The following LY6S variants were observed in gnomAD, a reference collection of about 807,000 sequenced individuals.
LY6S encodes the protein lymphocyte antigen 6 family member S.
the LY6S span, among the ~76,000 whole-genome samples, chr8:143,075,485 T>A: frequency 1.3e-5 from 2 of 152,118 alleles, no homozygotes; most frequent in African/African-American, 4.8e-5. This position sits in a 1 kb window ranked among gnomAD's most constrained non-coding sequence, Gnocchi z 4.1. Context: ...GGGTGGATCA[T>A]CTGAGGTCAG....
the LY6S span, among the ~76,000 whole-genome samples, chr8:143,042,793 C>T: frequency 1.7e-4 from 26 of 152,260 alleles, no homozygotes; most frequent in Non-Finnish European, 3.5e-4. Flanking sequence ...TGGGGACTCC[C>T]GCCCTGGGCC....
chr8:143,070,483 A>ATTTTTTTTT, the LY6S span, among the ~76,000 whole-genome samples: 2 of 85,970 alleles, frequency 2.3e-5, no homozygotes, highest in African/African-American at 1.5e-4. Flanking sequence ...ATAAATATAT[A>ATTTTTTTTT]TATATATTTT....
chr8:143,042,019 G>A, the LY6S span, among the ~76,000 whole-genome samples: 2 of 6,062 alleles, frequency 3.3e-4, no homozygotes, highest in Admixed American at 1.5e-3. Flanking sequence ...TGAGACGGCC[G>A]TCCACCCAGG....
chr8:143,074,033 GT>G, the LY6S span, among the ~76,000 whole-genome samples: 1 of 151,876 alleles, frequency 6.6e-6, no homozygotes, highest in Non-Finnish European at 1.5e-5. Flanking sequence ...GTGCTAAGGT[GT>G]TTTTTTCTCC....
chr8:143,048,732 A>C, the LY6S span, among the ~76,000 whole-genome samples: 1 of 152,052 alleles, frequency 6.6e-6, no homozygotes, highest in South Asian at 2.1e-4. Context: ...GGCCTCCCTA[A>C]GTGTTGGGAT....
At chr8:143,048,940 G>A in the LY6S span, among the ~76,000 whole-genome samples, 7 of 152,124 alleles carry the variant, frequency 4.6e-5, no homozygotes, top group Non-Finnish European at 7.3e-5. Context: ...CACTGTAATC[G>A]GGCATCACCA....
the LY6S span, among the ~76,000 whole-genome samples, chr8:143,054,480 G>C: frequency 6.6e-6 from 1 of 152,014 alleles, no homozygotes; most frequent in Non-Finnish European, 1.5e-5. Context: ...CCAGAAAATA[G>C]AAAACCGCCT....
chr8:143,052,333 A>T, the LY6S span, among the ~76,000 whole-genome samples: 1 of 152,176 alleles, frequency 6.6e-6, no homozygotes, highest in Non-Finnish European at 1.5e-5. Flanking sequence ...CACCATGACC[A>T]CCTGGGTAGA....
At chr8:143,068,617 CA>C in the LY6S span, among the ~76,000 whole-genome samples, 1 of 152,144 alleles carries the variant, frequency 6.6e-6, no homozygotes, top group Non-Finnish European at 1.5e-5. Context: ...TTCTTTACAA[CA>C]ACAAAAGAAC....
the LY6S span, among the ~76,000 whole-genome samples, chr8:143,071,369 C>T: frequency 3.3e-5 from 5 of 152,122 alleles, no homozygotes; most frequent in Non-Finnish European, 5.9e-5. Context: ...GGCCCTGAAA[C>T]GATTCTGCAA....
the LY6S span, among the ~76,000 whole-genome samples, chr8:143,054,519 T>C: frequency 6.6e-6 from 1 of 152,246 alleles, no homozygotes; most frequent in Admixed American, 6.5e-5. Flanking sequence ...CTTTTACCAC[T>C]ATAATGAAAA....
At chr8:143,057,027 C>T in the LY6S span, 4 of 245,698 alleles carry the variant, frequency 1.6e-5, no homozygotes, top group Non-Finnish European at 3.5e-5. Context: ...GAGGTTTGCC[C>T]ATCTTCCTGT....
the LY6S span, among the ~76,000 whole-genome samples, chr8:143,073,094 G>A: frequency 2.4e-4 from 36 of 148,834 alleles, no homozygotes; most frequent in African/African-American, 9.1e-4. Flanking sequence ...CGTCGTCCCC[G>A]GGGTTCCTGT....
chr8:143,049,360 A>G, the LY6S span: 5 of 504,244 alleles, frequency 9.9e-6, no homozygotes, highest in Non-Finnish European at 2.1e-5. Context: ...AAGTTAGCTG[A>G]CAATGAAAAG....
At chr8:143,076,390 G>GTGGGCCGGGGGCT in the LY6S span, among the ~76,000 whole-genome samples, 1 of 152,184 alleles carries the variant, frequency 6.6e-6, no homozygotes, top group Non-Finnish European at 1.5e-5. Flanking sequence ...GGGTCTCGCT[G>GTGGGCCGGGGGCT]GGGACGCCCA....
the LY6S span, among the ~76,000 whole-genome samples, chr8:143,064,325 C>G: frequency 6.6e-6 from 1 of 152,154 alleles, no homozygotes. Flanking sequence ...AGCTCTGTTT[C>G]CCTTCTATAG....
chr8:143,042,871 G>GA, the LY6S span: 1 of 553,912 alleles, frequency 1.8e-6, no homozygotes, highest in Non-Finnish European at 3.2e-6. Context: ...GCCCAGCTCT[G>GA]AAAAAAGTGG....
the LY6S span, among the ~76,000 whole-genome samples, chr8:143,067,867 C>G: frequency 6.6e-6 from 1 of 152,214 alleles, no homozygotes; most frequent in Non-Finnish European, 1.5e-5. Flanking sequence ...GCCAGCATAT[C>G]TCGCCTCCAG....
At chr8:143,072,383 A>G in the LY6S span, among the ~76,000 whole-genome samples, 1,794 of 45,510 alleles carry the variant, frequency 0.039, 10 homozygotes, top group East Asian at 0.067. Context: ...CGTCCTCGGG[A>G]TTCCTCTTTG....
Sources: gnomAD v4.1 joint callset for allele counts (sites outside exome capture counted in the v4.1 genomes callset) on GRCh38, gnomAD v4.1.1 for gene constraint, Gnocchi (gnomAD v3.1) non-coding constraint, MANE v1.5 for transcripts, NCBI Gene and HGNC (gene_info 2026-07-23, HGNC 2026-07-21) for gene names.